MAPT: variants seen among roughly 807,000 people sequenced by gnomAD.
MAPT encodes the protein microtubule-associated protein tau.
Under a neutral mutation model 67.9 loss-of-function variants are expected in MAPT, and 34 were observed. The ratio of observed to expected loss-of-function variants is 0.50; its 90% confidence interval spans 0.38 to 0.67. The LOEUF is 0.67. Among genes scored for constraint, MAPT ranks in the 30% least tolerant of loss-of-function variants. MAPT has a pLI of 0.00. For missense variants in MAPT, 881 were observed against 1,115.2 expected (o/e 0.79, Z 2.99); for synonymous variants, 456 against 464.5 (o/e 0.98, Z 0.23).
chr17:45,993,783 C>T, intron 8 of MAPT: 3 of 746,224 alleles, frequency 4.0e-6, no homozygotes, highest in Non-Finnish European at 7.0e-6. Context: ...GGTGGAGAGA[C>T]CCTCCCCCTT....
chr17:45,996,473 C>T lies in MAPT; in HGVS notation c.1807C>T (p.Arg603Cys), dbSNP rs770274373. The part of the protein sequence containing the change: ...GSPGTPGSRS[R>C]TPSLPTPPTR... ...CCCAGGCACTCCCGGCAGCCGCTCC[C>T]GCACCCCGTCCCTTCCAACCCCACC... is the stretch of plus-strand genomic sequence containing the variant. Residue 603 changes from arginine (R) to cysteine (C), a missense_variant, in exon 9 of 13, where the codon CGC becomes TGC. Transcript: ENST00000262410. This position sits in a 1 kb window ranked among gnomAD's most constrained non-coding sequence, Gnocchi z 4.5. The T allele has an allele frequency of 1.1e-5, 18 of 1,613,068 alleles. No homozygotes were observed. Among genetic ancestry groups the T allele is most frequent in the African/African-American group, 9.3e-5 (7 of 74,918 alleles).
Position 45,983,290 on chromosome 17 carries a change from C to T in MAPT, c.711C>T (p.Gly237=), listed in dbSNP as rs1432837799. 2 of 1,598,906 alleles carry T rather than the reference C, an allele frequency of 1.3e-6. No homozygotes were observed. The highest frequency in any genetic ancestry group is 1.7e-5 in the Admixed American group (1 of 57,720). The part of the protein sequence containing the change: ...GMPGAPLLPE[G]PREATRQPSG... ...CTGGGGCTCCCCTCCTGCCTGAGGG[C>T]CCCAGAGAGGCCACACGCCAACCTT... is the stretch of plus-strand genomic sequence containing the variant. The change falls in exon 5 of 13, where the codon GGC becomes GGT. Residue 237 remains glycine (G), a synonymous_variant. Coordinates refer to ENST00000262410, the MANE Select transcript of MAPT (RefSeq NM_001377265.1).
chr17:45,938,900 G>A (rs552954429), intron 1 of MAPT, among the ~76,000 whole-genome samples: 6 of 144,630 alleles, frequency 4.1e-5, no homozygotes, highest in Admixed American at 7.4e-5. Context: ...AGCAACCTCC[G>A]CCTCCTGGGT....
intron 1 of MAPT, among the ~76,000 whole-genome samples, chr17:45,956,587 TATATATA>T (rs1482265214): frequency 0.028 from 212 of 7,696 alleles, 7 homozygotes; most frequent in African/African-American, 0.039. Flanking sequence ...TATATATATA[TATATATA>T]TATATATTTT....
intron 2 of MAPT, among the ~76,000 whole-genome samples, chr17:45,965,993 G>A (rs1359689684): frequency 6.6e-6 from 1 of 152,126 alleles, no homozygotes; most frequent in African/African-American, 2.4e-5. Flanking sequence ...TTTCCCCCTT[G>A]TCACTCTTTC....
intron 1 of MAPT, among the ~76,000 whole-genome samples, chr17:45,953,734 A>G (rs183004509): frequency 1.9e-3 from 288 of 152,272 alleles, no homozygotes; most frequent in African/African-American, 6.7e-3. Context: ...AAACCAGGAC[A>G]GTGAGACTCA....
intron 1 of MAPT, among the ~76,000 whole-genome samples, chr17:45,948,587 A>G (rs1022020499): frequency 6.6e-6 from 1 of 152,124 alleles, no homozygotes; most frequent in Non-Finnish European, 1.5e-5. Flanking sequence ...CTCGGCTATC[A>G]CTTGGCCTGA....
At chr17:46,006,257 A>G (rs564775246) in intron 9 of MAPT, among the ~76,000 whole-genome samples, 6 of 152,264 alleles carry the variant, frequency 3.9e-5, no homozygotes, top group Non-Finnish European at 8.8e-5. Flanking sequence ...CTATTCAGCC[A>G]TGAAAAAGAA....
intron 9 of MAPT, among the ~76,000 whole-genome samples, chr17:46,005,998 G>T (rs116799064): frequency 6.6e-6 from 1 of 152,154 alleles, no homozygotes; most frequent in African/African-American, 2.4e-5. Flanking sequence ...TGTCCTTAAC[G>T]TGGGGACGGT....
intron 12 of MAPT, among the ~76,000 whole-genome samples, chr17:46,019,664 C>T (rs1322269207): frequency 2.0e-5 from 3 of 151,092 alleles, no homozygotes; most frequent in African/African-American, 7.3e-5. Context: ...CCACAGTGCT[C>T]GGCCTAAGTC....
chr17:45,935,033 G>T (rs1404834604), intron 1 of MAPT, among the ~76,000 whole-genome samples: 1 of 152,168 alleles, frequency 6.6e-6, no homozygotes, highest in Non-Finnish European at 1.5e-5. Context: ...AAGCCACTGG[G>T]AAGGTCCGTG....
intron 8 of MAPT, among the ~76,000 whole-genome samples, chr17:45,992,538 A>G (rs57907826): frequency 0.045 from 6,836 of 152,204 alleles, 564 homozygotes; most frequent in African/African-American, 0.16. Context: ...AAACCCAGTC[A>G]ATTTTGAGTA....
At chr17:45,962,547 T>C in intron 2 of MAPT, 77 bp downstream of exon 2, 1 of 1,558,530 alleles carries the variant, frequency 6.4e-7, no homozygotes, top group Non-Finnish European at 8.7e-7. Context: ...CATCCAGAAT[T>C]GCAAAGAAAT....
Position 45,971,931 on chromosome 17 carries a change from C to T in MAPT, c.206C>T (p.Thr69Ile), listed in dbSNP as rs1168788082. Residue 69 changes from threonine to isoleucine, a missense_variant, in exon 3 of 13, where the codon ACT becomes ATT. This residue lies in a region of MAPT where 687 missense variants were observed against 766.1 expected (regional missense o/e 0.90). Coordinates refer to ENST00000262410, the MANE Select transcript of MAPT (RefSeq NM_001377265.1). The surrounding 1 kb of genome is among the most constrained non-coding windows in gnomAD (Gnocchi z 4.3). Reference protein sequence around the residue: ...PGSETSDAKSTPTAEAEEAGI... With the variant: ...PGSETSDAKSIPTAEAEEAGI... ...TCTGAAACCTCTGATGCTAAGAGCA[C>T]TCCAACAGCGGAAGGTGGGCCCCCC... 6 of 1,614,072 alleles carry T rather than the reference C, an allele frequency of 3.7e-6. No homozygotes were observed. Among genetic ancestry groups the T allele is most frequent in the East Asian group, 4.5e-5 (2 of 44,874 alleles).
chr17:45,968,837 G>A (rs1267318543), intron 2 of MAPT, among the ~76,000 whole-genome samples: 4 of 152,220 alleles, frequency 2.6e-5, no homozygotes, highest in Non-Finnish European at 4.4e-5. Context: ...TATTGGGGAC[G>A]TCTCATCTGC....
chr17:45,954,388 G>A (rs778311506), intron 1 of MAPT, among the ~76,000 whole-genome samples: 14 of 152,162 alleles, frequency 9.2e-5, no homozygotes, highest in East Asian at 3.8e-4. Flanking sequence ...TTGGGAGGCC[G>A]AGGCAGGCGG....
chr17:46,016,124 G>T (rs1238849948), intron 11 of MAPT, among the ~76,000 whole-genome samples: 2 of 152,186 alleles, frequency 1.3e-5, no homozygotes, highest in East Asian at 3.9e-4. Flanking sequence ...GGCTGTGGTG[G>T]CCCACACCTA....
intron 1 of MAPT, among the ~76,000 whole-genome samples, chr17:45,941,738 C>CCTTT: frequency 7.2e-6 from 1 of 139,470 alleles, no homozygotes; most frequent in Non-Finnish European, 1.6e-5. Context: ...TTCCTTCCTT[C>CCTTT]CTTCCTTCCT....
intron 1 of MAPT, among the ~76,000 whole-genome samples, chr17:45,934,874 T>G (rs1442888714): frequency 6.7e-6 from 1 of 148,722 alleles, no homozygotes; most frequent in African/African-American, 2.4e-5. Context: ...ACCTATGGCC[T>G]TTTTGAGTTT....
Sources: gnomAD v4.1 joint callset for allele counts (sites outside exome capture counted in the v4.1 genomes callset) on GRCh38, gnomAD v4.1.1 for gene constraint, gnomAD v4.1.1 regional missense constraint, Gnocchi (gnomAD v3.1) non-coding constraint, MANE v1.5 for transcripts, NCBI Gene and HGNC (gene_info 2026-07-23, HGNC 2026-07-21) for gene names.